The following ERBB4 variants were observed in gnomAD, a reference collection of about 807,000 sequenced individuals.
ERBB4 encodes erb-b2 receptor tyrosine kinase 4.
Under a neutral mutation model 158.0 loss-of-function variants are expected in ERBB4, and 42 were observed. That is an observed-to-expected ratio of 0.27 (90% CI 0.21 to 0.34). ERBB4 has a LOEUF of 0.34. Among genes scored for constraint, ERBB4 ranks in the 10% least tolerant of loss-of-function variants. The probability of loss-of-function intolerance (pLI) is 1.00; values close to 1 mark genes in which losing one functional copy is unlikely to be tolerated. For missense variants in ERBB4, 1,333 were observed against 1,624.1 expected, an observed-to-expected ratio of 0.82 and a Z score of 3.08; for synonymous variants, 583 against 558.7, an observed-to-expected ratio of 1.04 and a Z score of -0.61.
intron 1 of ERBB4, among the ~76,000 whole-genome samples, chr2:212,187,717 G>A (rs996763142): frequency 1.3e-5 from 2 of 151,996 alleles, no homozygotes; most frequent in African/African-American, 4.8e-5. Context: ...CTCAGATTTG[G>A]GATAATATCA....
intron 3 of ERBB4, among the ~76,000 whole-genome samples, chr2:211,891,039 C>G (rs2078951559): frequency 1.4e-5 from 1 of 71,946 alleles, no homozygotes; most frequent in Non-Finnish European, 2.7e-5. Flanking sequence ...TTGAACTCAG[C>G]TCTGCACCAA....
intron 1 of ERBB4, among the ~76,000 whole-genome samples, chr2:212,369,596 A>G (rs1285056972): frequency 6.6e-6 from 1 of 151,924 alleles, no homozygotes; most frequent in East Asian, 1.9e-4. Context: ...TAATGCCTGT[A>G]TATTATGGCA....
chr2:212,475,841 T>G lies in ERBB4; in HGVS notation c.82+62608A>C, dbSNP rs1310311346. On this transcript the variant is annotated intron_variant, in intron 1 of 27. Coordinates refer to ENST00000342788, the MANE Select transcript of ERBB4 (RefSeq NM_005235.3). ...TACCAATTCTATATCCTAAACAGTTTTGGTATCTATCCACTTCTCCCTAGT... is the reference window on the plus strand; with the variant it reads ...TACCAATTCTATATCCTAAACAGTTGTGGTATCTATCCACTTCTCCCTAGT... Among the ~76,000 whole-genome samples, 4 of 152,096 alleles carry G rather than the reference T, an allele frequency of 2.6e-5. No homozygotes were observed. The East Asian group carries it at 7.7e-4, about 29-fold the overall frequency.
intron 1 of ERBB4, among the ~76,000 whole-genome samples, chr2:212,308,380 T>C (rs952282040): frequency 6.6e-6 from 1 of 151,224 alleles, no homozygotes; most frequent in Non-Finnish European, 1.5e-5. Context: ...ATACTAGTTA[T>C]AAATGAATGA....
At chr2:211,680,007 T>G (rs1299930172) in intron 12 of ERBB4, among the ~76,000 whole-genome samples, 1 of 152,214 alleles carries the variant, frequency 6.6e-6, no homozygotes, top group Non-Finnish European at 1.5e-5. Context: ...AGGACCCTGC[T>G]GTATTCTGGC....
At chr2:211,943,208 G>A (rs2080554506) in intron 3 of ERBB4, among the ~76,000 whole-genome samples, 1 of 152,004 alleles carries the variant, frequency 6.6e-6, no homozygotes, top group Non-Finnish European at 1.5e-5. Context: ...AAATAATAGT[G>A]GGTTTTATGG....
At chr2:212,240,497 G>A (rs2084044261) in intron 1 of ERBB4, among the ~76,000 whole-genome samples, 1 of 151,648 alleles carries the variant, frequency 6.6e-6, no homozygotes, top group Admixed American at 6.6e-5. Context: ...GCCAGGCGTG[G>A]TGGTGCACAC....
chr2:211,869,165 C>G (rs773350029), intron 3 of ERBB4, among the ~76,000 whole-genome samples: 2 of 152,152 alleles, frequency 1.3e-5, no homozygotes, highest in Non-Finnish European at 1.5e-5. Context: ...CTGCCAAGAA[C>G]GAACTCTGTA....
chr2:212,140,782 A>C (rs1036777414), intron 1 of ERBB4, among the ~76,000 whole-genome samples: 4 of 151,524 alleles, frequency 2.6e-5, no homozygotes, highest in Non-Finnish European at 5.9e-5. Context: ...CTACTCATCT[A>C]TAAAGTTGCT....
At chr2:212,022,720 G>T (rs189351939) in intron 2 of ERBB4, among the ~76,000 whole-genome samples, 5 of 152,080 alleles carry the variant, frequency 3.3e-5, no homozygotes, top group Admixed American at 6.6e-5. Context: ...TAATCTGAAG[G>T]AAAATTAACT....
intron 1 of ERBB4, among the ~76,000 whole-genome samples, chr2:212,442,157 C>T (rs947823838): frequency 7.8e-5 from 11 of 141,122 alleles, no homozygotes; most frequent in African/African-American, 1.8e-4. Flanking sequence ...AATTAATCAC[C>T]GTGTTCCTAG....
intron 20 of ERBB4, among the ~76,000 whole-genome samples, chr2:211,493,371 CT>C (rs1449835589): frequency 7.9e-5 from 12 of 152,042 alleles, no homozygotes; most frequent in Non-Finnish European, 2.9e-5. Context: ...TTTCACTACC[CT>C]ATTTCCTTTC....
intron 1 of ERBB4, among the ~76,000 whole-genome samples, chr2:212,152,193 C>T (rs1559605989): frequency 6.6e-6 from 1 of 151,936 alleles, no homozygotes; most frequent in Non-Finnish European, 1.5e-5. Flanking sequence ...ATCAGAGTTC[C>T]TGTGGTCAAA....
intron 4 of ERBB4, chr2:211,777,714 T>G (rs2075918888): frequency 6.6e-6 from 1 of 152,186 alleles, no homozygotes; most frequent in Admixed American, 6.5e-5. Context: ...CCTCATTTAT[T>G]CCATCTTGGT....
intron 1 of ERBB4, among the ~76,000 whole-genome samples, chr2:212,175,812 C>G (rs2081647286): frequency 6.6e-6 from 1 of 151,850 alleles, no homozygotes; most frequent in Admixed American, 6.6e-5. Flanking sequence ...TCTGGCAGTT[C>G]CAGGGTACTT....
chr2:211,996,584 TGC>T (rs897105213), intron 2 of ERBB4, among the ~76,000 whole-genome samples: 1 of 152,162 alleles, frequency 6.6e-6, no homozygotes, highest in African/African-American at 2.4e-5. Flanking sequence ...TGAGCATACT[TGC>T]CCAATTAAAA....
At chr2:212,085,851 AGTT>A (rs1432580043) in intron 2 of ERBB4, among the ~76,000 whole-genome samples, 2 of 38,462 alleles carry the variant, frequency 5.2e-5, no homozygotes, top group Admixed American at 8.7e-4. Context: ...CCCAAAATAA[AGTT>A]GTTATTAGCC....
chr2:212,185,744 C>T (rs1291043240), intron 1 of ERBB4, among the ~76,000 whole-genome samples: 1 of 151,938 alleles, frequency 6.6e-6, no homozygotes, highest in Non-Finnish European at 1.5e-5. Context: ...ATAATAGAAT[C>T]TAAAAGTAAA....
At chr2:212,461,623 G>T (rs921328669) in intron 1 of ERBB4, among the ~76,000 whole-genome samples, 2 of 152,270 alleles carry the variant, frequency 1.3e-5, no homozygotes, top group Admixed American at 6.5e-5. Flanking sequence ...CTGAGTTAAT[G>T]CTGAAATGAG....
Sources: allele counts gnomAD v4.1 joint callset (sites outside exome capture counted in the v4.1 genomes callset), GRCh38; gene constraint gnomAD v4.1.1; transcripts MANE v1.5; gene names NCBI Gene and HGNC (gene_info 2026-07-23, HGNC 2026-07-21).